Variants in DCDC1 observed in about 807,000 individuals in gnomAD.
The protein encoded by DCDC1 is doublecortin domain-containing protein 1.
DCDC1 carries 200 observed loss-of-function variants against 178.3 expected under a neutral mutation model. The ratio of observed to expected loss-of-function variants is 1.12; its 90% CI spans 1.00 to 1.26. DCDC1 has a LOEUF of 1.26. Among genes scored for constraint, DCDC1 ranks in the 50% most tolerant of loss-of-function variants. DCDC1 has a pLI of 0.00. For synonymous variants in DCDC1, 690 were observed against 604.8 expected, an observed-to-expected ratio of 1.14 and a Z score of -2.07; for missense variants, 1,983 against 1,749.2, an observed-to-expected ratio of 1.13 and a Z score of -2.38.
Position 31,279,889 on chromosome 11 carries a change from TTAAAA to T in DCDC1, c.960+10753_960+10757del, listed in dbSNP as rs553976971. ...ATCCCAGAACTTAAAGTATAATAAA[TTAAAA>T]TAATAATAATAATAAAAGATTATCT... On this transcript the variant is annotated intron_variant, in intron 7 of 38. Coordinates refer to ENST00000684477, the MANE Select transcript of DCDC1 (RefSeq NM_001387274.1). Among the ~76,000 whole-genome samples, 25 of 152,066 alleles carry T rather than the reference TTAAAA, an allele frequency of 1.6e-4. No homozygotes were observed. The South Asian group carries it at 3.7e-3, about 23-fold the overall frequency.
At chr11:31,081,597 T>A (rs1045266675) in intron 17 of DCDC1, among the ~76,000 whole-genome samples, 6 of 150,368 alleles carry the variant, frequency 4.0e-5, no homozygotes, top group Non-Finnish European at 7.4e-5. Flanking sequence ...GCAACAAGAG[T>A]GAAACTCCAT....
intron 38 of DCDC1, 24 bp downstream of exon 38, chr11:30,878,520 A>G: frequency 6.8e-7 from 1 of 1,469,884 alleles, no homozygotes; most frequent in South Asian, 1.4e-5. Flanking sequence ...CATAACAAAC[A>G]TGAGTATGTG....
intron 6 of DCDC1, among the ~76,000 whole-genome samples, chr11:31,303,038 A>G (rs569869894): frequency 1.3e-5 from 2 of 152,362 alleles, no homozygotes; most frequent in East Asian, 3.9e-4. Flanking sequence ...TAAGTTCCTT[A>G]AAGGCCAGGA....
chr11:31,059,793 A>C (rs1219017485), intron 20 of DCDC1, among the ~76,000 whole-genome samples: 1 of 152,074 alleles, frequency 6.6e-6, no homozygotes, highest in African/African-American at 2.4e-5. Context: ...ATTACCACCA[A>C]CTATATGCAA....
intron 7 of DCDC1, among the ~76,000 whole-genome samples, chr11:31,278,823 T>C (rs1017984249): frequency 6.6e-6 from 1 of 152,020 alleles, no homozygotes; most frequent in African/African-American, 2.4e-5. Flanking sequence ...TAAATAACAA[T>C]AATAATAAAT....
At chr11:31,328,075 C>T (rs764755835) in intron 3 of DCDC1, 42 bp downstream of exon 3, 1 of 1,539,142 alleles carries the variant, frequency 6.5e-7, no homozygotes. Flanking sequence ...CACTTTTATC[C>T]CCTTCAGTAT....
At chr11:31,215,994 G>A (rs779074480) in intron 9 of DCDC1, among the ~76,000 whole-genome samples, 1 of 152,134 alleles carries the variant, frequency 6.6e-6, no homozygotes, top group East Asian at 1.9e-4. Flanking sequence ...AGCATTTAGG[G>A]CAGAATGTGA....
At chr11:31,107,061 CA>C in intron 12 of DCDC1, 101 bp from the exon 13 acceptor site, 1 of 611,694 alleles carries the variant, frequency 1.6e-6, no homozygotes, top group Non-Finnish European at 2.9e-6. Flanking sequence ...AAATGAAGTC[CA>C]AACAAATGAT....
At chr11:31,132,071 T>C (rs993076267) in intron 10 of DCDC1, among the ~76,000 whole-genome samples, 3 of 152,216 alleles carry the variant, frequency 2.0e-5, no homozygotes, top group Admixed American at 6.5e-5. Context: ...TTCTCTACTA[T>C]TTTTATTGGC....
intron 2 of DCDC1, among the ~76,000 whole-genome samples, chr11:31,329,529 G>T (rs144261355): frequency 1.3e-5 from 2 of 151,860 alleles, no homozygotes; most frequent in African/African-American, 4.8e-5. Flanking sequence ...GTATTTCTCC[G>T]AATGCTATCC....
chr11:31,359,118 T>G (rs1267463942), intron 1 of DCDC1, among the ~76,000 whole-genome samples: 1 of 152,122 alleles, frequency 6.6e-6, no homozygotes, highest in Non-Finnish European at 1.5e-5. Context: ...CATGCTGCTA[T>G]AAAGACACAC....
At chr11:31,366,575 G>C (rs560621767) in intron 1 of DCDC1, among the ~76,000 whole-genome samples, 1 of 152,290 alleles carries the variant, frequency 6.6e-6, no homozygotes, top group African/African-American at 2.4e-5. Flanking sequence ...ACTCTGATAG[G>C]AGGAAGAAAA....
intron 7 of DCDC1, chr11:31,280,744 C>T (rs1015089737): frequency 5.1e-6 from 3 of 593,622 alleles, no homozygotes; most frequent in Admixed American, 3.8e-5. Context: ...CGGCAAAGAT[C>T]ATTTTTATTC....
chr11:31,238,307 C>G (rs1197393642), intron 9 of DCDC1, among the ~76,000 whole-genome samples: 1 of 152,048 alleles, frequency 6.6e-6, no homozygotes, highest in African/African-American at 2.4e-5. Context: ...CAGTGTTTCT[C>G]AACAGACTGC....
At chr11:31,173,478 C>G (rs182783258) in intron 9 of DCDC1, among the ~76,000 whole-genome samples, 6 of 152,284 alleles carry the variant, frequency 3.9e-5, no homozygotes, top group Admixed American at 3.9e-4. Context: ...CTCCATTTCA[C>G]TGAATTAAAG....
intron 9 of DCDC1, among the ~76,000 whole-genome samples, chr11:31,153,711 A>T (rs990087647): frequency 1.3e-4 from 20 of 151,458 alleles, no homozygotes; most frequent in African/African-American, 4.9e-4. Context: ...TGAACCCAGG[A>T]TGCAGAGGTT....
At chr11:31,261,833 T>C (rs1389692346) in intron 8 of DCDC1, among the ~76,000 whole-genome samples, 1 of 152,162 alleles carries the variant, frequency 6.6e-6, no homozygotes. Context: ...GATAGATTTA[T>C]ACAAGAACCA....
intron 20 of DCDC1, among the ~76,000 whole-genome samples, chr11:31,061,251 C>A (rs1328137087): frequency 6.6e-6 from 1 of 152,056 alleles, no homozygotes; most frequent in East Asian, 1.9e-4. Flanking sequence ...TCCTTCTCCA[C>A]CCCCTACTCC....
At chr11:30,958,127 C>T (rs186703564) in intron 20 of DCDC1, among the ~76,000 whole-genome samples, 141 of 152,256 alleles carry the variant, frequency 9.3e-4, no homozygotes, top group African/African-American at 3.2e-3. Context: ...TATAGGTAAC[C>T]AGAGCTGTGG....
Sources: gnomAD v4.1 joint callset for allele counts (sites outside exome capture counted in the v4.1 genomes callset) on GRCh38, gnomAD v4.1.1 for gene constraint, MANE v1.5 for transcripts, NCBI Gene and HGNC (gene_info 2026-07-23, HGNC 2026-07-21) for gene names.